The following LDLRAD4 variants were observed in gnomAD, a reference collection of about 807,000 sequenced individuals.
The protein encoded by LDLRAD4 is low density lipoprotein receptor class A domain containing 4.
Under a neutral mutation model 17.0 loss-of-function variants are expected in LDLRAD4, and 5 were observed. That is an observed-to-expected ratio of 0.29 (90% CI 0.15 to 0.62). The LOEUF (loss-of-function observed/expected upper bound fraction) is 0.62. Ranked by LOEUF, LDLRAD4 falls within the 20% of genes least tolerant of loss-of-function variation. The pLI is 0.84. For synonymous variants in LDLRAD4, 168 were observed against 171.8 expected, an observed-to-expected ratio of 0.98 and a Z score of 0.17; for missense variants, 340 against 424.7, an observed-to-expected ratio of 0.80 and a Z score of 1.75.
intron 3 of LDLRAD4, among the ~76,000 whole-genome samples, chr18:13,566,491 T>A (rs1485834839): frequency 1.3e-5 from 2 of 151,622 alleles, no homozygotes; most frequent in East Asian, 1.9e-4. Context: ...GCCTCTCGAG[T>A]AGCTGGGACT....
chr18:13,614,052 A>G (rs1305731191), intron 3 of LDLRAD4: 1 of 152,210 alleles, frequency 6.6e-6, no homozygotes, highest in Admixed American at 6.5e-5. Context: ...AAACTCCAGC[A>G]CCACTGAAGT....
chr18:13,378,904 TC>T (rs760395484), intron 1 of LDLRAD4, among the ~76,000 whole-genome samples: 2 of 152,210 alleles, frequency 1.3e-5, no homozygotes, highest in African/African-American at 2.4e-5. Flanking sequence ...TTGGGTCAGA[TC>T]AGAACTGGAA....
At chr18:13,625,877 C>A (rs1280091477) in intron 4 of LDLRAD4, among the ~76,000 whole-genome samples, 2 of 148,986 alleles carry the variant, frequency 1.3e-5, no homozygotes, top group African/African-American at 5.0e-5. Flanking sequence ...AACCTCCTCC[C>A]CTCTACCAGC....
At chr18:13,455,690 T>C (rs1054884299) in intron 3 of LDLRAD4, among the ~76,000 whole-genome samples, 35 of 152,146 alleles carry the variant, frequency 2.3e-4, no homozygotes, top group African/African-American at 8.4e-4. Flanking sequence ...TGCATCTGGC[T>C]TCCTCCTTCC....
chr18:13,504,552 C>G (rs2555395), intron 3 of LDLRAD4, among the ~76,000 whole-genome samples: 75,171 of 152,092 alleles, frequency 0.49, 21,540 homozygotes, highest in East Asian at 0.67. Flanking sequence ...CTCAGCCTCC[C>G]GAGTAGCTGG....
intron 1 of LDLRAD4, among the ~76,000 whole-genome samples, chr18:13,386,950 G>GATAGATA (rs1568083071): frequency 3.9e-5 from 3 of 77,176 alleles, no homozygotes; most frequent in African/African-American, 5.6e-5. Flanking sequence ...ATAGATAGAT[G>GATAGATA]GATGGATGGA....
chr18:13,624,966 C>A (rs1162659342), intron 4 of LDLRAD4, among the ~76,000 whole-genome samples: 1 of 152,192 alleles, frequency 6.6e-6, no homozygotes, highest in African/African-American at 2.4e-5. Context: ...CCCCTAAGCA[C>A]CTCTTCCTTT....
At chr18:13,567,091 G>C (rs914900948) in intron 3 of LDLRAD4, among the ~76,000 whole-genome samples, 2 of 152,188 alleles carry the variant, frequency 1.3e-5, no homozygotes, top group Non-Finnish European at 2.9e-5. Context: ...ACTTGTTCCC[G>C]TGTCACTGAC....
chr18:13,415,591 G>A (rs971984462), intron 2 of LDLRAD4, among the ~76,000 whole-genome samples: 5 of 152,188 alleles, frequency 3.3e-5, no homozygotes, highest in Non-Finnish European at 7.4e-5. Flanking sequence ...AGAGTTTCAG[G>A]TACGTAGTGT....
rs1267041370 is a variant in LDLRAD4, at chr18:13,619,551, G to C, written c.182-1566G>C. Among the ~76,000 whole-genome samples the C allele has an allele frequency of 4.1e-3, 615 of 151,312 alleles. 4 individuals are homozygous for C. The highest frequency in any genetic ancestry group is 0.014 in the African/African-American group (579 of 41,034). On this transcript the variant is annotated intron_variant, in intron 3 of 5. Transcript: ENST00000359446. ...GGGGGTGGCACATATAAGTGTGGCA[G>C]CTCCAATGGACATTTCCTCCCCATA...
chr18:13,277,412 C>T (rs541450082), upstream of LDLRAD4, among the ~76,000 whole-genome samples: 5 of 152,344 alleles, frequency 3.3e-5, no homozygotes, highest in African/African-American at 9.6e-5. Context: ...CGGCGCTCCA[C>T]CTGGGACGGT....
intron 3 of LDLRAD4, among the ~76,000 whole-genome samples, chr18:13,492,546 G>A (rs1045109552): frequency 2.6e-5 from 4 of 152,148 alleles, no homozygotes; most frequent in Admixed American, 6.5e-5. Context: ...CCCGTAGAAC[G>A]CCTGGCCTCA....
intron 2 of LDLRAD4, 79 bp downstream of exon 3, chr18:13,387,841 A>G: frequency 7.7e-7 from 1 of 1,296,224 alleles, no homozygotes; most frequent in African/African-American, 1.5e-5. Flanking sequence ...GCATGCAGTG[A>G]ACCTACCTTT....
intron 3 of LDLRAD4, among the ~76,000 whole-genome samples, chr18:13,533,512 T>G (rs1480983881): frequency 2.0e-5 from 3 of 152,202 alleles, no homozygotes; most frequent in African/African-American, 7.2e-5. Flanking sequence ...AACCGTAACA[T>G]TTTTCAGTGT....
chr18:13,303,523 G>A (rs1007328946), intron 1 of LDLRAD4, among the ~76,000 whole-genome samples: 7 of 151,746 alleles, frequency 4.6e-5, no homozygotes, highest in African/African-American at 1.7e-4. Flanking sequence ...GTAGAGAGGG[G>A]CTCTCGTTAT....
At chr18:13,488,633 C>T (rs2093289400) in intron 3 of LDLRAD4, 1 of 152,240 alleles carries the variant, frequency 6.6e-6, no homozygotes, top group Non-Finnish European at 1.5e-5. Flanking sequence ...TTCTTGTTTC[C>T]CATCACCTAG....
chr18:13,572,867 G>A (rs1475652538), intron 3 of LDLRAD4, among the ~76,000 whole-genome samples: 1 of 152,226 alleles, frequency 6.6e-6, no homozygotes, highest in African/African-American at 2.4e-5. Context: ...CACATGCCCT[G>A]TCCCTTCCCG....
At chr18:13,474,332 C>G (rs1217899206) in intron 3 of LDLRAD4, among the ~76,000 whole-genome samples, 1 of 152,170 alleles carries the variant, frequency 6.6e-6, no homozygotes, top group African/African-American at 2.4e-5. Flanking sequence ...GCCCCTGCAG[C>G]CCTTGGGCTG....
At chr18:13,455,666 C>A (rs2092093431) in intron 3 of LDLRAD4, among the ~76,000 whole-genome samples, 1 of 152,130 alleles carries the variant, frequency 6.6e-6, no homozygotes. Flanking sequence ...CTCCCCGTGG[C>A]TGGGGCAGAG....
Sources: gnomAD v4.1 joint callset for allele counts (sites outside exome capture counted in the v4.1 genomes callset) on GRCh38, gnomAD v4.1.1 for gene constraint, MANE v1.5 for transcripts, NCBI Gene and HGNC (gene_info 2026-07-23, HGNC 2026-07-21) for gene names.